The following SNTB2 variants were observed in gnomAD, a reference collection of about 807,000 sequenced individuals.
SNTB2 encodes the protein syntrophin beta 2.
SNTB2 carries 34 observed loss-of-function variants against 46.2 expected under a neutral mutation model. That is an observed-to-expected ratio of 0.74 (90% confidence interval 0.56 to 0.98). The LOEUF (loss-of-function observed/expected upper bound fraction) is 0.98, where lower values mean the gene tolerates loss of function less well. Among genes scored for constraint, SNTB2 ranks in the 50% least tolerant of loss-of-function variants. The pLI, the probability that SNTB2 is intolerant of heterozygous loss-of-function variation, is 0.00. For synonymous variants in SNTB2, 290 were observed against 312.6 expected, an observed-to-expected ratio of 0.93 and a Z score of 0.76; for missense variants, 603 against 731.4, an observed-to-expected ratio of 0.82 and a Z score of 2.02.
In SNTB2 at chr16:69,245,870, T is replaced by C. The variant is rs79966240; in HGVS notation, c.794+55T>C. The C allele has an allele frequency of 3.7e-3, 5,676 of 1,536,682 alleles. 149 individuals carry two copies. The African/African-American group carries it at 0.063, about 17-fold the overall frequency. ...CTACAGCTTTACAAACTTAAGGACA[T>C]GTTGCAGTATTATATGACTCTGTTA... is the stretch of plus-strand genomic sequence containing the variant. On this transcript the variant is annotated intron_variant, in intron 2 of 6. Coordinates refer to ENST00000336278, the MANE Select transcript of SNTB2 (RefSeq NM_006750.4).
chr16:69,211,517 A>T (rs1303033586), intron 1 of SNTB2, among the ~76,000 whole-genome samples: 1 of 149,896 alleles, frequency 6.7e-6, no homozygotes, highest in African/African-American at 2.5e-5. Flanking sequence ...GGGCAACATA[A>T]TGAGACCCCA....
chr16:69,241,980 A>G (rs1051623463), intron 1 of SNTB2: 1 of 151,696 alleles, frequency 6.6e-6, no homozygotes, highest in African/African-American at 2.4e-5. Flanking sequence ...GTTTAAAATC[A>G]GATGCTGCCT....
intron 1 of SNTB2, among the ~76,000 whole-genome samples, chr16:69,236,105 G>A (rs1241556740): frequency 2.0e-5 from 3 of 152,180 alleles, no homozygotes; most frequent in African/African-American, 4.8e-5. Context: ...GTAGTTTACT[G>A]GGTTGTGGTG....
intron 1 of SNTB2, 92 bp downstream of exon 1, chr16:69,187,838 G>A (rs1400709529): frequency 3.8e-6 from 4 of 1,039,092 alleles, no homozygotes; most frequent in African/African-American, 1.7e-5. Flanking sequence ...GGGGCGAGCC[G>A]GTTCTCTCCC....
chr16:69,232,628 C>T (rs1463896570), intron 1 of SNTB2, among the ~76,000 whole-genome samples: 1 of 149,256 alleles, frequency 6.7e-6, no homozygotes, highest in Non-Finnish European at 1.5e-5. Context: ...TCTCTTGCCT[C>T]AGCCTCCCGA....
At chr16:69,235,905 A>T in intron 1 of SNTB2, 1 of 1,231,014 alleles carries the variant, frequency 8.1e-7, no homozygotes, top group East Asian at 5.7e-5. Context: ...CCCATTAGAT[A>T]TATATAGAAT....
intron 2 of SNTB2, among the ~76,000 whole-genome samples, chr16:69,247,110 A>G (rs1299375219): frequency 1.3e-5 from 2 of 151,304 alleles, no homozygotes; most frequent in Non-Finnish European, 2.9e-5. Context: ...AAATTTTTAA[A>G]TATCTCCTTA....
At chr16:69,246,408 A>G (rs900832718) in intron 2 of SNTB2, among the ~76,000 whole-genome samples, 1 of 151,186 alleles carries the variant, frequency 6.6e-6, no homozygotes, top group Non-Finnish European at 1.5e-5. Flanking sequence ...CCAGGGATGA[A>G]GCCCACTTGA....
chr16:69,251,401 G>A (rs1401421368), intron 2 of SNTB2, among the ~76,000 whole-genome samples: 8 of 141,842 alleles, frequency 5.6e-5, no homozygotes, highest in Non-Finnish European at 1.1e-4. Context: ...AAAGGCCTCA[G>A]AAACATTTTC....
intron 1 of SNTB2, chr16:69,191,325 A>G (rs1444878165): frequency 6.9e-6 from 1 of 145,798 alleles, no homozygotes; most frequent in African/African-American, 2.6e-5. Flanking sequence ...AAGCAGGAAG[A>G]TCATTTGAGG....
chr16:69,203,953 C>T (rs548749727), intron 1 of SNTB2, among the ~76,000 whole-genome samples: 1 of 151,922 alleles, frequency 6.6e-6, no homozygotes, highest in African/African-American at 2.4e-5. Flanking sequence ...AGCGTAGTGG[C>T]GCGATCCCGG....
At chr16:69,291,648 G>A (rs1364286678) in intron 5 of SNTB2, among the ~76,000 whole-genome samples, 8 of 152,160 alleles carry the variant, frequency 5.3e-5, no homozygotes, top group Non-Finnish European at 1.2e-4. Flanking sequence ...GTTTGAGGCT[G>A]CGGTGAACTG....
intron 4 of SNTB2, among the ~76,000 whole-genome samples, chr16:69,271,944 A>G (rs1171024876): frequency 6.6e-6 from 1 of 152,202 alleles, no homozygotes; most frequent in Non-Finnish European, 1.5e-5. Context: ...GGGGTGGTGT[A>G]TGTACTATCA....
At chr16:69,247,447 A>G (rs1036301177) in intron 2 of SNTB2, among the ~76,000 whole-genome samples, 2 of 152,326 alleles carry the variant, frequency 1.3e-5, no homozygotes, top group Admixed American at 1.3e-4. Flanking sequence ...TGTTTTCACT[A>G]TTATGGTCTC....
At chr16:69,201,935 T>C (rs1156787468) in intron 1 of SNTB2, among the ~76,000 whole-genome samples, 3 of 152,310 alleles carry the variant, frequency 2.0e-5, no homozygotes, top group Middle Eastern at 6.8e-3. Flanking sequence ...GAGAAACGAA[T>C]GCTGCTTAGT....
intron 2 of SNTB2, among the ~76,000 whole-genome samples, chr16:69,256,709 G>A (rs1479220430): frequency 6.6e-6 from 1 of 152,128 alleles, no homozygotes; most frequent in African/African-American, 2.4e-5. Flanking sequence ...TTGTTTATCT[G>A]TTCCTCCATT....
intron 2 of SNTB2, among the ~76,000 whole-genome samples, chr16:69,257,462 C>A (rs1162519990): frequency 6.9e-6 from 1 of 143,944 alleles, no homozygotes; most frequent in African/African-American, 2.5e-5. Context: ...TATTTATTTT[C>A]TTGAGACGGA....
chr16:69,237,210 G>T (rs1964567108), intron 1 of SNTB2, among the ~76,000 whole-genome samples: 1 of 152,020 alleles, frequency 6.6e-6, no homozygotes, highest in African/African-American at 2.4e-5. Flanking sequence ...TAAAATCAGA[G>T]CCTTAGGAAA....
At position 69,302,964 on chromosome 16, in the gene SNTB2, C is replaced by T. The variant is rs1965287998; in HGVS notation, c.*2040C>T. On this transcript the variant is annotated 3_prime_UTR_variant, in exon 7 of 7. Coordinates refer to ENST00000336278, the MANE Select transcript of SNTB2 (RefSeq NM_006750.4). ...GCATGATCTCGGCTCACTGCAACCT[C>T]CACCTCCTAGGTTCAAGTGATTCTC... 1 of 152,058 alleles carries T rather than the reference C, an allele frequency of 6.6e-6. No individual in the cohort carries two copies. Among genetic ancestry groups the T allele is most frequent in the Admixed American group, 6.6e-5 (1 of 15,264 alleles). 9.4% of individuals were successfully genotyped at this position (152,058 alleles called of 1,614,324 possible).
Sources: allele counts gnomAD v4.1 joint callset (sites outside exome capture counted in the v4.1 genomes callset), GRCh38; gene constraint gnomAD v4.1.1; transcripts MANE v1.5; gene names NCBI Gene and HGNC (gene_info 2026-07-23, HGNC 2026-07-21).